The following MYCBP2 variants were observed in gnomAD, a reference collection of about 807,000 sequenced individuals.
MYCBP2 encodes E3 ubiquitin-protein ligase MYCBP2.
In MYCBP2, 120 loss-of-function variants were observed where a neutral mutation model predicts 525.3. The observed-to-expected ratio is 0.23, with a 90% CI of 0.20 to 0.27. The LOEUF (loss-of-function observed/expected upper bound fraction) is 0.27. Ranked by LOEUF, MYCBP2 falls within the 10% of genes least tolerant of loss-of-function variation. The pLI is 1.00. For missense variants in MYCBP2, 4,149 were observed against 5,657.1 expected, an observed-to-expected ratio of 0.73 and a Z score of 8.55; for synonymous variants, 1,894 against 1,955.8, an observed-to-expected ratio of 0.97 and a Z score of 0.83.
chr13:77,131,063 T>C (rs1054926890), intron 52 of MYCBP2, among the ~76,000 whole-genome samples: 2 of 152,194 alleles, frequency 1.3e-5, no homozygotes, highest in South Asian at 2.1e-4. Context: ...TCCATGTAAA[T>C]TGAAACTTTA....
At chr13:77,220,063 G>A (rs1353811313) in intron 20 of MYCBP2, among the ~76,000 whole-genome samples, 1 of 152,128 alleles carries the variant, frequency 6.6e-6, no homozygotes, top group East Asian at 1.9e-4. Flanking sequence ...TAGGTATGGT[G>A]ATTTCTTACC....
At position 77,064,683 on chromosome 13, in the gene MYCBP2, T is replaced by C. The variant is rs757077323; in HGVS notation, c.12604A>G (p.Thr4202Ala). The C allele has an allele frequency of 1.2e-6, 2 of 1,613,826 alleles. No individual in the cohort carries two copies. The highest frequency in any genetic ancestry group is 1.7e-6 in the Non-Finnish European group (2 of 1,179,810). Residue 4202 changes from threonine to alanine, a missense_variant, in exon 73 of 83, where the codon ACC (threonine) becomes GCC (alanine). Physicochemically the swap from Thr to Ala is moderately conservative, Grantham distance 58. This residue lies in a region of MYCBP2 where 148 missense variants were observed against 179.4 expected (regional missense o/e 0.82). Transcript: ENST00000544440. The stretch of plus-strand genomic sequence containing the variant: ...TCCATCTTGGTCAAGGCAATGATGG[T>C]TTCTGCAATAGCATTTTTTGTCACT... ...SRVTKNAIAE[T>A]IIALTKMEEE...
At chr13:77,116,182 T>G (rs1228107945) in intron 55 of MYCBP2, among the ~76,000 whole-genome samples, 1 of 152,118 alleles carries the variant, frequency 6.6e-6, no homozygotes, top group East Asian at 1.9e-4. Context: ...TACTACATAG[T>G]GGCGACTATC....
At chr13:77,060,212 A>C (rs1566323890) in intron 76 of MYCBP2, among the ~76,000 whole-genome samples, 1 of 152,236 alleles carries the variant, frequency 6.6e-6, no homozygotes, top group East Asian at 1.9e-4. Flanking sequence ...TTACAGACCA[A>C]GCTGATTTTT....
intron 62 of MYCBP2, among the ~76,000 whole-genome samples, chr13:77,084,630 T>C (rs1479837421): frequency 1.3e-5 from 2 of 152,074 alleles, no homozygotes; most frequent in Non-Finnish European, 2.9e-5. Context: ...ATGGTCTTTC[T>C]GGGGTTTCAA....
At position 77,161,820 on chromosome 13, in the gene MYCBP2, A is replaced by G. The variant is rs115633540; in HGVS notation, c.6597+86T>C. ...GTGAAGTACTTAATGAATGAACCCA[A>G]TGGTCAAGACAAATAGGCTGATCTG... On this transcript the variant is annotated intron_variant, in intron 44 of 82. Transcript: ENST00000544440. 797 of 996,520 alleles carry G rather than the reference A, an allele frequency of 8.0e-4. 5 individuals are homozygous for G. The highest frequency in any genetic ancestry group is 5.5e-3 in the African/African-American group (336 of 60,896). The allele number at this position is 996,520 out of a possible 1,614,324, so 61.7% of individuals were successfully genotyped here.
chr13:77,165,237 C>CT, intron 42 of MYCBP2, 36 bp downstream of exon 42: 1 of 1,517,578 alleles, frequency 6.6e-7, no homozygotes, highest in East Asian at 2.3e-5. Context: ...GAAACACAAT[C>CT]TTCCTTAAAA....
intron 47 of MYCBP2, among the ~76,000 whole-genome samples, chr13:77,146,457 T>G (rs74759343): frequency 0.029 from 4,457 of 151,512 alleles, 95 homozygotes; most frequent in East Asian, 0.053. Flanking sequence ...AGATAACATC[T>G]TTTGAGTACA....
chr13:77,204,036 A>G (rs1309161119), intron 26 of MYCBP2, among the ~76,000 whole-genome samples: 13 of 151,602 alleles, frequency 8.6e-5, no homozygotes, highest in Non-Finnish European at 1.8e-4. Context: ...AAAAGACAAA[A>G]TTGACAAATG....
intron 80 of MYCBP2, 121 bp downstream of exon 80, chr13:77,055,437 C>G (rs2037760182): frequency 6.3e-6 from 5 of 798,226 alleles, no homozygotes; most frequent in Non-Finnish European, 9.7e-6. Flanking sequence ...TTGTACCAAG[C>G]TATCTTATTT....
chr13:77,147,456 G>T (rs1031462603), intron 47 of MYCBP2, among the ~76,000 whole-genome samples: 1 of 152,096 alleles, frequency 6.6e-6, no homozygotes, highest in Non-Finnish European at 1.5e-5. Context: ...CATTAGCAAA[G>T]AAATCATTAT....
At position 77,197,652 on chromosome 13, in the gene MYCBP2, A is replaced by C. The variant is rs543034597; in HGVS notation, c.3844-3408T>G. Among the ~76,000 whole-genome samples, 8 of 152,264 alleles carry C rather than the reference A, an allele frequency of 5.3e-5. No individual in the cohort carries two copies. In the South Asian group the frequency reaches 1.7e-3, roughly 32 times the overall value. ...GGGCCTAGGGCTGGGTCTTTGAGGAACTCCTACATTCAGTGGCCAGGTGGA... is the reference window on the plus strand; with the variant it reads ...GGGCCTAGGGCTGGGTCTTTGAGGACCTCCTACATTCAGTGGCCAGGTGGA... On this transcript the variant is annotated intron_variant, in intron 26 of 82. Coordinates refer to ENST00000544440, the MANE Select transcript of MYCBP2 (RefSeq NM_015057.5).
intron 28 of MYCBP2, among the ~76,000 whole-genome samples, chr13:77,190,799 C>T (rs2061225103): frequency 6.6e-6 from 1 of 152,126 alleles, no homozygotes; most frequent in African/African-American, 2.4e-5. Context: ...TGTGATTTTT[C>T]TACAGTAGTC....
chr13:77,159,850 A>T (rs1375962534), intron 44 of MYCBP2, among the ~76,000 whole-genome samples: 3 of 152,260 alleles, frequency 2.0e-5, no homozygotes, highest in East Asian at 3.9e-4. Context: ...AAACTCTTTG[A>T]TAGTTCTCCT....
At chr13:77,126,227 G>T in intron 53 of MYCBP2, 91 bp downstream of exon 53, 1 of 1,033,662 alleles carries the variant, frequency 9.7e-7, no homozygotes, top group Non-Finnish European at 1.4e-6. Flanking sequence ...AAAAACCTGT[G>T]GTAGAAATGG....
intron 44 of MYCBP2, among the ~76,000 whole-genome samples, chr13:77,160,284 C>G (rs1004004271): frequency 1.2e-4 from 19 of 152,272 alleles, no homozygotes; most frequent in Admixed American, 8.5e-4. Context: ...AATCCCAGTG[C>G]AGTTGCTCAC....
chr13:77,243,240 GA>G, intron 16 of MYCBP2, 80 bp from the exon 17 acceptor site: 1 of 1,089,526 alleles, frequency 9.2e-7, no homozygotes, highest in Non-Finnish European at 1.4e-6. Flanking sequence ...TAAAATTCAA[GA>G]AAGTAAAAGC....
chr13:77,259,335 T>C (rs1427338376), intron 13 of MYCBP2, among the ~76,000 whole-genome samples: 1 of 152,044 alleles, frequency 6.6e-6, no homozygotes, highest in African/African-American at 2.4e-5. Context: ...TCCCCAATAT[T>C]TAAGTTCTGT....
intron 61 of MYCBP2, 42 bp from the exon 62 acceptor site, chr13:77,087,675 T>G (rs907604274): frequency 4.5e-6 from 7 of 1,561,754 alleles, no homozygotes; most frequent in Non-Finnish European, 5.2e-6. Context: ...ATAAAATACA[T>G]GAGTTTAAAA....
Sources: allele counts gnomAD v4.1 joint callset (sites outside exome capture counted in the v4.1 genomes callset), GRCh38; gene constraint gnomAD v4.1.1; regional missense constraint gnomAD v4.1.1; transcripts MANE v1.5; gene names NCBI Gene and HGNC (gene_info 2026-07-23, HGNC 2026-07-21).